COP1: variants seen among roughly 807,000 people sequenced by gnomAD.
The protein encoded by COP1 is E3 ubiquitin-protein ligase COP1.
COP1 carries 24 observed loss-of-function variants against 101.3 expected under a neutral mutation model. The observed-to-expected ratio is 0.24, with a 90% CI of 0.17 to 0.33. The LOEUF (loss-of-function observed/expected upper bound fraction) is 0.33, where lower values mean the gene tolerates loss of function less well. COP1 is among the 10% of genes least tolerant of loss of function. COP1 has a pLI of 1.00. For synonymous variants in COP1, 347 were observed against 341.9 expected (o/e 1.01, Z -0.17); for missense variants, 663 against 906.2 (o/e 0.73, Z 3.45).
rs180751823 is a variant in COP1, at chr1:176,196,744, T to C, written c.407+9828A>G. On this transcript the variant is annotated intron_variant, in intron 1 of 19. Coordinates refer to ENST00000367669, the MANE Select transcript of COP1 (RefSeq NM_022457.7). ...AAGGGGAACATTCCATATCGTCTTT[T>C]AGAAGCCAGCACTGGCCAGGCACAG... Among the ~76,000 whole-genome samples the C allele has an allele frequency of 9.2e-5, 14 of 152,180 alleles. No individual in the cohort carries two copies. In the South Asian group the frequency reaches 1.9e-3, roughly 20 times the overall value.
chr1:176,203,267 G>A lies in COP1; in HGVS notation c.407+3305C>T, dbSNP rs562207903. Among the ~76,000 whole-genome samples the A allele has an allele frequency of 2.3e-4, 35 of 152,204 alleles. No homozygotes were observed. In the East Asian group the frequency reaches 6.8e-3, roughly 29 times the overall value. Reference sequence around the variant, plus strand: ...CAGGAGAATGGCGTGAACCCGGGAGGCGGAGCTTGCAGTGAGCCGAGATCG... The same window carrying A: ...CAGGAGAATGGCGTGAACCCGGGAGACGGAGCTTGCAGTGAGCCGAGATCG... On this transcript the variant is annotated intron_variant, in intron 1 of 19. Coordinates refer to ENST00000367669, the MANE Select transcript of COP1 (RefSeq NM_022457.7).
rs116223035 is a variant in COP1, at chr1:176,137,157, C to T, written c.832-610G>A. ...ACTTCCTTCTTAAGGGTTTTAAAAA[C>T]ATATTTGAGTTAGTATTTTATCTTT... On this transcript the variant is annotated intron_variant, in intron 6 of 19. Coordinates refer to ENST00000367669, the MANE Select transcript of COP1 (RefSeq NM_022457.7). 6.6e-3 allele frequency among the ~76,000 whole-genome samples: 1,012 copies of T among 152,300 alleles called. 9 individuals carry two copies. Among genetic ancestry groups the T allele is most frequent in the African/African-American group, 0.023 (960 of 41,574 alleles).
At chr1:176,082,531 G>A (rs1679370289) in intron 10 of COP1, among the ~76,000 whole-genome samples, 1 of 152,124 alleles carries the variant, frequency 6.6e-6, no homozygotes, top group South Asian at 2.1e-4. Context: ...ACAGGGCCGG[G>A]TGCAGCAGCT....
chr1:176,067,452 C>T (rs563918717), intron 11 of COP1, among the ~76,000 whole-genome samples: 6 of 152,248 alleles, frequency 3.9e-5, no homozygotes, highest in East Asian at 1.9e-4. Flanking sequence ...AGGAACACAT[C>T]GGTACAAGAG....
At chr1:176,194,369 G>T (rs144590688) in intron 1 of COP1, among the ~76,000 whole-genome samples, 1 of 152,330 alleles carries the variant, frequency 6.6e-6, no homozygotes, top group East Asian at 1.9e-4. Context: ...GCTGGGCGCA[G>T]TGGCTCACAC....
intron 18 of COP1, among the ~76,000 whole-genome samples, chr1:175,953,248 CCTAAT>C (rs1465249231): frequency 2.7e-5 from 4 of 150,644 alleles, no homozygotes; most frequent in African/African-American, 9.8e-5. Flanking sequence ...ACAGTATATA[CCTAAT>C]AAGCTAGTAA....
chr1:176,040,046 G>A (rs899375191), intron 14 of COP1, among the ~76,000 whole-genome samples: 1 of 152,022 alleles, frequency 6.6e-6, no homozygotes, highest in East Asian at 1.9e-4. Context: ...ATGATTTCTT[G>A]GATATGACAC....
At chr1:176,056,587 TCA>T (rs1348635256) in intron 11 of COP1, among the ~76,000 whole-genome samples, 3 of 152,156 alleles carry the variant, frequency 2.0e-5, no homozygotes, top group East Asian at 1.9e-4. Context: ...CTTTCAACTT[TCA>T]CAGTTTGAAG....
At chr1:176,011,333 T>C (rs1664622476) in intron 15 of COP1, among the ~76,000 whole-genome samples, 1 of 152,158 alleles carries the variant, frequency 6.6e-6, no homozygotes, top group African/African-American at 2.4e-5. Context: ...TTTGACAGTT[T>C]TGATAGAAAA....
At chr1:176,023,007 T>C (rs1667019247) in intron 15 of COP1, among the ~76,000 whole-genome samples, 6 of 152,200 alleles carry the variant, frequency 3.9e-5, no homozygotes, top group Admixed American at 3.9e-4. Context: ...TTTTCTGTTG[T>C]AGTGTTCCAG....
At chr1:176,162,254 A>T (rs533749373) in intron 5 of COP1, among the ~76,000 whole-genome samples, 1 of 152,220 alleles carries the variant, frequency 6.6e-6, no homozygotes, top group African/African-American at 2.4e-5. Flanking sequence ...TACTCCCTTT[A>T]TGTTTAACCT....
At chr1:176,075,522 G>A (rs1244478470) in intron 11 of COP1, among the ~76,000 whole-genome samples, 1 of 152,066 alleles carries the variant, frequency 6.6e-6, no homozygotes, top group Non-Finnish European at 1.5e-5. Flanking sequence ...TTATACCAAG[G>A]AATTACTGTT....
At chr1:176,040,597 A>G (rs1290841425) in intron 14 of COP1, among the ~76,000 whole-genome samples, 3 of 152,148 alleles carry the variant, frequency 2.0e-5, no homozygotes, top group Non-Finnish European at 4.4e-5. Context: ...GGTGTGAGTC[A>G]CCATGCCTGG....
At chr1:176,073,774 C>G (rs1408177438) in intron 11 of COP1, among the ~76,000 whole-genome samples, 2 of 152,134 alleles carry the variant, frequency 1.3e-5, no homozygotes, top group African/African-American at 4.8e-5. Context: ...TCCAAATAAG[C>G]AAAGGAAGAA....
rs149001063 is a variant in COP1 at position 175,980,581 on chromosome 1, A to T, written c.2133+6362T>A. On this transcript the variant is annotated intron_variant, in intron 18 of 19. Transcript: ENST00000367669. Reference sequence around the variant, plus strand: ...GAGAGGGGAAATTTGGAAATCTGTTATCCTGATCCCTGCCTCCCCTAACCC... The same window carrying T: ...GAGAGGGGAAATTTGGAAATCTGTTTTCCTGATCCCTGCCTCCCCTAACCC... Among the ~76,000 whole-genome samples the T allele has an allele frequency of 2.6e-3, 399 of 152,206 alleles. 3 individuals are homozygous for T. Among genetic ancestry groups the T allele is most frequent in the African/African-American group, 9.2e-3 (381 of 41,552 alleles).
intron 18 of COP1, among the ~76,000 whole-genome samples, chr1:175,966,039 T>C (rs1651977700): frequency 6.6e-6 from 1 of 152,206 alleles, no homozygotes; most frequent in Non-Finnish European, 1.5e-5. Context: ...CAAAGGTTTT[T>C]AAATGCCATT....
In COP1 at chr1:176,046,172, T is replaced by C; in HGVS notation, c.1421+9A>G. Reference sequence around the variant, plus strand: ...ATACTGCATCATGTCAAGAAAATAATGTAAATACCTGATTTTCGAATTGCA... The same window carrying C: ...ATACTGCATCATGTCAAGAAAATAACGTAAATACCTGATTTTCGAATTGCA... On this transcript the variant is annotated intron_variant, in intron 12 of 19. Coordinates refer to ENST00000367669, the MANE Select transcript of COP1 (RefSeq NM_022457.7). The C allele has an allele frequency of 2.5e-6, 4 of 1,591,798 alleles. No homozygotes were observed. The highest frequency in any genetic ancestry group is 2.6e-6 in the Non-Finnish European group (3 of 1,170,966).
chr1:176,175,314 A>G (rs1289609319), intron 3 of COP1, among the ~76,000 whole-genome samples: 1 of 152,136 alleles, frequency 6.6e-6, no homozygotes, highest in Non-Finnish European at 1.5e-5. Flanking sequence ...TTTTTGTTAA[A>G]CCTCACATCC....
chr1:176,008,138 C>T lies in COP1; in HGVS notation c.1730-18659G>A, dbSNP rs958036963. ...GCGTCCGTCACCCCTTTCTTTGACT[C>T]GGAAAGGGAACTCCCTGACCCCTTG... On this transcript the variant is annotated intron_variant, in intron 15 of 19. Coordinates refer to ENST00000367669, the MANE Select transcript of COP1 (RefSeq NM_022457.7). 6.6e-5 allele frequency among the ~76,000 whole-genome samples: 10 copies of T among 152,276 alleles called. No homozygotes were observed. The South Asian group carries it at 1.2e-3, about 19-fold the overall frequency.
Sources: gnomAD v4.1 joint callset for allele counts (sites outside exome capture counted in the v4.1 genomes callset) on GRCh38, gnomAD v4.1.1 for gene constraint, MANE v1.5 for transcripts, NCBI Gene and HGNC (gene_info 2026-07-23, HGNC 2026-07-21) for gene names.